Variants in NTMT1 observed in about 807,000 individuals in gnomAD.
The protein encoded by NTMT1 is N-terminal Xaa-Pro-Lys N-methyltransferase 1.
A neutral mutation model predicts 17.5 loss-of-function variants in NTMT1; 8 were observed. The observed-to-expected ratio is 0.46, with a 90% CI of 0.27 to 0.82. The LOEUF is 0.82. NTMT1 is among the 40% of genes least tolerant of loss of function. NTMT1 has a pLI of 0.15. For synonymous variants in NTMT1, 128 were observed against 126.8 expected, an observed-to-expected ratio of 1.01 and a Z score of -0.06; for missense variants, 221 against 303.5, an observed-to-expected ratio of 0.73 and a Z score of 2.02.
intron 1 of NTMT1, among the ~76,000 whole-genome samples, chr9:129,610,131 G>C (rs58197714): frequency 0.026 from 3,920 of 148,018 alleles, 64 homozygotes; most frequent in Admixed American, 0.043. Context: ...GGACAGCGCA[G>C]GGAGCGGACA....
rs1588147242 is a variant in NTMT1 at position 129,635,711 on chromosome 9, G to A, written c.*247G>A. 1 of 482,954 alleles carries A rather than the reference G, an allele frequency of 2.1e-6. No homozygotes were observed. The highest frequency in any genetic ancestry group is 3.7e-6 in the Non-Finnish European group (1 of 271,014). The allele number at this position is 482,954 out of a possible 1,614,324, so 29.9% of individuals were successfully genotyped here. A position where few individuals can be genotyped will look rare whatever the true frequency, so the allele number is the denominator to read the frequency against. ...GCTCTCCTGCGAGATGGGATTGGGTGGAAGGGGCTCCAGGGCTCCTGGTGC... is the reference window on the plus strand; with the variant it reads ...GCTCTCCTGCGAGATGGGATTGGGTAGAAGGGGCTCCAGGGCTCCTGGTGC... On this transcript the variant is annotated 3_prime_UTR_variant, in exon 4 of 4. Transcript: ENST00000372483.
At position 129,632,716 on chromosome 9, in the gene NTMT1, G is replaced by T; in HGVS notation, c.13G>T (p.Val5Leu). 3 of 1,614,114 alleles carry T rather than the reference G, an allele frequency of 1.9e-6. No homozygotes were observed. The highest frequency in any genetic ancestry group is 2.5e-6 in the Non-Finnish European group (3 of 1,179,996). Residue 5 changes from valine to leucine, a missense_variant, in exon 2 of 4, where the codon GTG (valine) becomes TTG (leucine). Coordinates refer to ENST00000372483, the MANE Select transcript of NTMT1 (RefSeq NM_014064.4). Reference sequence around the variant, plus strand: ...GGTTGGTGACAGCATGACGAGCGAGGTGATAGAAGACGAGAAGCAATTCTA... The same window carrying T: ...GGTTGGTGACAGCATGACGAGCGAGTTGATAGAAGACGAGAAGCAATTCTA... MTSE[V>L]IEDEKQFYSK...
chr9:129,633,975 A>G (rs1334496550), intron 2 of NTMT1, 79 bp from the exon 3 acceptor site: 1 of 1,486,812 alleles, frequency 6.7e-7, no homozygotes, highest in Non-Finnish European at 9.1e-7. Context: ...ACTTGAGTCT[A>G]AGTCCTAGGG....
At chr9:129,617,085 A>AG (rs1486764436) in intron 1 of NTMT1, among the ~76,000 whole-genome samples, 1 of 150,240 alleles carries the variant, frequency 6.7e-6, no homozygotes, top group Non-Finnish European at 1.5e-5. Flanking sequence ...GAAAAAAAAA[A>AG]TCAGCCTCAA....
At chr9:129,610,206 GGAGGGA>G (rs1345294935) in intron 1 of NTMT1, among the ~76,000 whole-genome samples, 27 of 114,086 alleles carry the variant, frequency 2.4e-4, no homozygotes, top group African/African-American at 8.8e-4. Flanking sequence ...GAGGGGGGGA[GGAGGGA>G]GGGGGAGGGG....
chr9:129,635,625 A>G lies in NTMT1; in HGVS notation c.*161A>G. 1 of 908,562 alleles carries G rather than the reference A, an allele frequency of 1.1e-6. No individual in the cohort carries two copies. The highest frequency in any genetic ancestry group is 1.7e-6 in the Non-Finnish European group (1 of 597,576). The allele number at this position is 908,562 out of a possible 1,614,324, so 56.3% of individuals were successfully genotyped here. A position where few individuals can be genotyped will look rare whatever the true frequency, so the allele number is the denominator to read the frequency against. On this transcript the variant is annotated 3_prime_UTR_variant, in exon 4 of 4. Transcript: ENST00000372483. ...TTATGCGGGCTCTTCTTCAAAAGGC[A>G]AGGTGGGACCCGGCGGGGAGGGTGC...
chr9:129,613,959 C>T lies in NTMT1; in HGVS notation c.-55+4781C>T, dbSNP rs1312174012. Among the ~76,000 whole-genome samples the T allele has an allele frequency of 6.6e-6, 1 of 152,170 alleles. No individual in the cohort carries two copies. Among genetic ancestry groups the T allele is most frequent in the African/African-American group, 2.4e-5 (1 of 41,452 alleles). Reference sequence around the variant, plus strand: ...CTCAGGGATGGGGGCTCTTCCTGTCCAACAGCAGCCATGCGAGGTGGTCCA... The same window carrying T: ...CTCAGGGATGGGGGCTCTTCCTGTCTAACAGCAGCCATGCGAGGTGGTCCA... On this transcript the variant is annotated intron_variant, in intron 1 of 3. Transcript: ENST00000372486. This position sits in a 1 kb window ranked among gnomAD's most constrained non-coding sequence, Gnocchi z 6.2.
chr9:129,613,294 C>G lies in NTMT1; in HGVS notation c.-55+4116C>G, dbSNP rs778267305. ...CCATGAGCTTCCTGGACTCTGAGTC[C>G]CCGGCCCACCCATGGCTGGCAGGGC... is the stretch of plus-strand genomic sequence containing the variant. On this transcript the variant is annotated intron_variant, in intron 1 of 3. Transcript: ENST00000372486. This position sits in a 1 kb window ranked among gnomAD's most constrained non-coding sequence, Gnocchi z 6.2. 6.4e-7 allele frequency: 1 copy of G among 1,570,970 alleles called. No homozygotes were observed. The highest frequency in any genetic ancestry group is 1.4e-5 in the African/African-American group (1 of 73,646).
chr9:129,635,025 C>T, intron 3 of NTMT1, 183 bp from the exon 4 acceptor site: 1 of 693,120 alleles, frequency 1.4e-6, no homozygotes. Flanking sequence ...CTCTGAGCCA[C>T]AGTTTCCTAT....
chr9:129,634,321 G>T lies in NTMT1; in HGVS notation c.415+15G>T. The T allele has an allele frequency of 6.3e-7, 1 of 1,577,498 alleles. No homozygotes were observed. Among genetic ancestry groups the T allele is most frequent in the Non-Finnish European group, 8.6e-7 (1 of 1,159,230 alleles). On this transcript the variant is annotated intron_variant, in intron 3 of 3. Transcript: ENST00000372483. ...GTGGGTGATAGGTGAGGGTTCCACC[G>T]CCCTTCCCTGCTCACCTGTATGTCT...
chr9:129,620,764 T>C lies in NTMT1; in HGVS notation c.-55+11586T>C. On this transcript the variant is annotated intron_variant, in intron 1 of 3. Transcript: ENST00000372486. This position sits in a 1 kb window ranked among gnomAD's most constrained non-coding sequence, Gnocchi z 5.8. ...GAGAGCTCCCAGAGCCTCTGTTTCC[T>C]CACCTGAAAAATGGTGACAGCAAGA... 1 of 464,954 alleles carries C rather than the reference T, an allele frequency of 2.2e-6. No homozygotes were observed. Among genetic ancestry groups the C allele is most frequent in the Non-Finnish European group, 3.5e-6 (1 of 288,426 alleles). The allele number at this position is 464,954 out of a possible 1,614,324, so 28.8% of individuals were successfully genotyped here.
Position 129,635,034 on chromosome 9 carries a change from A to G in NTMT1, c.416-174A>G. On this transcript the variant is annotated intron_variant, in intron 3 of 3. Coordinates refer to ENST00000372483, the MANE Select transcript of NTMT1 (RefSeq NM_014064.4). Reference sequence around the variant, plus strand: ...GATGACCTCTGAGCCACAGTTTCCTATTCTATGAATTGGGGTTTAGTAAAT... The same window carrying G: ...GATGACCTCTGAGCCACAGTTTCCTGTTCTATGAATTGGGGTTTAGTAAAT... 5.5e-6 allele frequency: 4 copies of G among 722,300 alleles called. No individual in the cohort carries two copies. The South Asian group carries it at 5.6e-5, about 10-fold the overall frequency. The allele number at this position is 722,300 out of a possible 1,614,324, so 44.7% of individuals were successfully genotyped here. A position where few individuals can be genotyped will look rare whatever the true frequency, so the allele number is the denominator to read the frequency against.
rs1831514031 is a variant in NTMT1, at chr9:129,635,719, C to T, written c.*255C>T. The T allele has an allele frequency of 2.2e-6, 1 of 453,810 alleles. No individual in the cohort carries two copies. The highest frequency in any genetic ancestry group is 3.9e-6 in the Non-Finnish European group (1 of 253,272). 28.1% of individuals were successfully genotyped at this position (453,810 alleles called of 1,614,324 possible). ...GCGAGATGGGATTGGGTGGAAGGGG[C>T]TCCAGGGCTCCTGGTGCTCCCCATG... On this transcript the variant is annotated 3_prime_UTR_variant, in exon 4 of 4. Transcript: ENST00000372483.
chr9:129,620,118 C>T lies in NTMT1; in HGVS notation c.-55+10940C>T, dbSNP rs932159897. 2.1e-6 allele frequency: 3 copies of T among 1,453,692 alleles called. No homozygotes were observed. Among genetic ancestry groups the T allele is most frequent in the Non-Finnish European group, 2.7e-6 (3 of 1,101,330 alleles). The allele number at this position is 1,453,692 out of a possible 1,614,324, so 90.0% of individuals were successfully genotyped here. A position where few individuals can be genotyped will look rare whatever the true frequency, so the allele number is the denominator to read the frequency against. On this transcript the variant is annotated intron_variant, in intron 1 of 3. Coordinates refer to the NTMT1 transcript ENST00000372486. The surrounding 1 kb of genome is among the most constrained non-coding windows in gnomAD (Gnocchi z 5.8). ...TTCTCCTGGAGCTGGTGCAGGAACT[C>T]ACGGAACCTGCTGGGGAGGAGCTCT... is the stretch of plus-strand genomic sequence containing the variant.
At chr9:129,631,868 A>G (rs1831185334) in intron 1 of NTMT1, among the ~76,000 whole-genome samples, 1 of 152,094 alleles carries the variant, frequency 6.6e-6, no homozygotes, top group Non-Finnish European at 1.5e-5. Flanking sequence ...TCTCCTCTGC[A>G]GCCCTCCCTG....
At chr9:129,610,134 A>G (rs1400095340) in intron 1 of NTMT1, among the ~76,000 whole-genome samples, 2 of 139,926 alleles carry the variant, frequency 1.4e-5, no homozygotes, top group African/African-American at 5.3e-5. Context: ...CAGCGCAGGG[A>G]GCGGACAGGA....
chr9:129,633,063 T>C, intron 2 of NTMT1, 198 bp downstream of exon 2: 1 of 545,760 alleles, frequency 1.8e-6, no homozygotes, highest in South Asian at 2.7e-5. Context: ...GCCTCAGGGT[T>C]ACCAGACAGG....
Position 129,627,854 on chromosome 9 carries a change from T to TA in NTMT1, c.-55+1560dup, listed in dbSNP as rs1198707783. Among the ~76,000 whole-genome samples, 5 of 152,174 alleles carry TA rather than the reference T, an allele frequency of 3.3e-5. No individual in the cohort carries two copies. The East Asian group carries it at 9.6e-4, about 29-fold the overall frequency. ...TTAGGCAGGCTTTTCCGTAGAGACTTACGTGAGGAGGATGAGATGACTGCA... is the reference window on the plus strand; with the variant it reads ...TTAGGCAGGCTTTTCCGTAGAGACTTAACGTGAGGAGGATGAGATGACTGCA... On this transcript the variant is annotated intron_variant, in intron 1 of 3. Coordinates refer to ENST00000372483, the MANE Select transcript of NTMT1 (RefSeq NM_014064.4).
At chr9:129,635,085 C>G (rs1831452450) in intron 3 of NTMT1, 123 bp from the exon 4 acceptor site, 1 of 1,126,186 alleles carries the variant, frequency 8.9e-7, no homozygotes, top group Admixed American at 2.1e-5. Context: ...GCCAATGAGG[C>G]CATGTGTGCA....
Sources: allele counts gnomAD v4.1 joint callset (sites outside exome capture counted in the v4.1 genomes callset), GRCh38; gene constraint gnomAD v4.1.1; non-coding constraint Gnocchi (gnomAD v3.1); transcripts MANE v1.5; gene names NCBI Gene and HGNC (gene_info 2026-07-23, HGNC 2026-07-21).